The following STK11 variants were observed in gnomAD, a reference collection of about 807,000 sequenced individuals.
STK11 encodes the protein serine/threonine-protein kinase STK11.
In STK11, 8 loss-of-function variants were observed where a neutral mutation model predicts 47.3. The ratio of observed to expected loss-of-function variants is 0.17; its 90% CI spans 0.10 to 0.31. The LOEUF (loss-of-function observed/expected upper bound fraction) is 0.31. Among genes scored for constraint, STK11 ranks in the 10% least tolerant of loss-of-function variants. The pLI, the probability that STK11 is intolerant of heterozygous loss-of-function variation, is 1.00. For missense variants in STK11, 475 were observed against 605.0 expected (o/e 0.79, Z 2.25); for synonymous variants, 330 against 255.8 (o/e 1.29, Z -2.77).
chr19:1,206,737 G>T lies in STK11; in HGVS notation c.-177G>T. The T allele has an allele frequency of 2.2e-6, 2 of 890,712 alleles. No homozygotes were observed. The highest frequency in any genetic ancestry group is 3.3e-6 in the Non-Finnish European group (2 of 605,720). 55.2% of individuals were successfully genotyped at this position (890,712 alleles called of 1,614,324 possible). On this transcript the variant is annotated 5_prime_UTR_variant, in exon 1 of 10. Coordinates refer to ENST00000326873, the MANE Select transcript of STK11 (RefSeq NM_000455.5). Reference sequence around the variant, plus strand: ...TTGGACTCGCAGCCGGGACTGACGTGTAGAACAATCGTTTCTGTTGGAAGA... The same window carrying T: ...TTGGACTCGCAGCCGGGACTGACGTTTAGAACAATCGTTTCTGTTGGAAGA...
At chr19:1,220,225 C>T (rs768523963) in intron 3 of STK11, 148 bp from the exon 4 acceptor site, 9 of 1,113,328 alleles carry the variant, frequency 8.1e-6, no homozygotes, top group Non-Finnish European at 1.0e-5. Flanking sequence ...CCTGCTGGAC[C>T]TAGCCTTTCC....
intron 1 of STK11, among the ~76,000 whole-genome samples, chr19:1,214,596 C>T (rs1358089835): frequency 6.6e-6 from 1 of 152,204 alleles, no homozygotes; most frequent in East Asian, 1.9e-4. Context: ...GGGAGTCCTC[C>T]ACCCTCATTT....
intron 9 of STK11, 151 bp from the exon 10 acceptor site, chr19:1,227,442 C>G (rs2080833198): frequency 3.8e-6 from 3 of 799,922 alleles, no homozygotes; most frequent in Admixed American, 5.6e-5. Flanking sequence ...GGGAGTGACT[C>G]AAGGGTGGCC....
chr19:1,225,475 T>C, intron 8 of STK11: 1 of 879,456 alleles, frequency 1.1e-6, no homozygotes, highest in Non-Finnish European at 1.4e-6. Context: ...TTCACCATGT[T>C]GGTCAGGCTG....
At chr19:1,224,013 T>TA in intron 8 of STK11, 1 of 1,006,820 alleles carries the variant, frequency 9.9e-7, no homozygotes, top group Non-Finnish European at 1.2e-6. Context: ...GAGGACCCAG[T>TA]GCACAGGGTC....
intron 1 of STK11, among the ~76,000 whole-genome samples, chr19:1,214,860 C>T (rs571771622): frequency 6.6e-6 from 1 of 152,342 alleles, no homozygotes; most frequent in African/African-American, 2.4e-5. Context: ...GTAGCCGGCT[C>T]CTGCTGAGGG....
At chr19:1,219,813 G>A (rs1181000286) in intron 3 of STK11, among the ~76,000 whole-genome samples, 1 of 152,208 alleles carries the variant, frequency 6.6e-6, no homozygotes, top group Non-Finnish European at 1.5e-5. Flanking sequence ...CCAAAGTGCT[G>A]GGATTACAGG....
At position 1,207,087 on chromosome 19, in the gene STK11, C is replaced by T. The variant is rs756661578; in HGVS notation, c.174C>T (p.Gly58=). The T allele has an allele frequency of 6.2e-7, 1 of 1,613,908 alleles. No individual in the cohort carries two copies. The highest frequency in any genetic ancestry group is 1.7e-5 in the Admixed American group (1 of 59,998). ...KYLMGDLLGE[G]SYGKVKEVLD... is the part of the protein sequence containing the mutation. ...TGATGGGGGACCTGCTGGGGGAAGGCTCTTACGGCAAGGTGAAGGAGGTGC... is the reference window on the plus strand; with the variant it reads ...TGATGGGGGACCTGCTGGGGGAAGGTTCTTACGGCAAGGTGAAGGAGGTGC... The change falls in exon 1 of 10, where the codon GGC becomes GGT. Residue 58 remains glycine (G), a synonymous_variant. Transcript: ENST00000326873.
At chr19:1,220,183 G>A (rs1026289929) in intron 3 of STK11, 190 bp from the exon 4 acceptor site, 5 of 668,204 alleles carry the variant, frequency 7.5e-6, no homozygotes, top group Admixed American at 3.2e-5. Context: ...TCGGCCGGAC[G>A]AGGGTGGCCA....
intron 1 of STK11, 150 bp downstream of exon 1, chr19:1,207,353 G>C: frequency 8.6e-7 from 1 of 1,162,776 alleles, no homozygotes; most frequent in Non-Finnish European, 1.2e-6. Flanking sequence ...CCGTGCCAGG[G>C]AGAGCGTGGT....
chr19:1,227,692 C>T lies in STK11; in HGVS notation c.*116C>T. The T allele has an allele frequency of 9.4e-7, 1 of 1,069,484 alleles. No individual in the cohort carries two copies. The highest frequency in any genetic ancestry group is 1.1e-6 in the Non-Finnish European group (1 of 881,848). 66.2% of individuals were successfully genotyped at this position (1,069,484 alleles called of 1,614,324 possible). A position where few individuals can be genotyped will look rare whatever the true frequency, so the allele number is the denominator to read the frequency against. On this transcript the variant is annotated 3_prime_UTR_variant, in exon 10 of 10. Transcript: ENST00000326873. ...AGAGGTGGCCGCCATGCTTCTGTGC[C>T]GACCACGCCCCAGGACCTCCGGAGC...
chr19:1,225,802 T>A, intron 8 of STK11: 2 of 985,580 alleles, frequency 2.0e-6, no homozygotes, highest in South Asian at 9.4e-5. Flanking sequence ...CCACGGCTCC[T>A]CGCAGGGACA....
In STK11 at chr19:1,221,929, C is replaced by T. The variant is rs1250319696; in HGVS notation, c.863-20C>T. ...CAGGCCTGTGCCCAGCTGACAGGCTCCTCGCCGGCTTCTCCTCAGGGATGC... is the reference window on the plus strand; with the variant it reads ...CAGGCCTGTGCCCAGCTGACAGGCTTCTCGCCGGCTTCTCCTCAGGGATGC... On this transcript the variant is annotated intron_variant, in intron 6 of 9. Transcript: ENST00000326873. 1.9e-6 allele frequency: 3 copies of T among 1,550,856 alleles called. No individual in the cohort carries two copies. The highest frequency in any genetic ancestry group is 1.4e-5 in the African/African-American group (1 of 73,090).
In STK11 at chr19:1,207,129, G is replaced by A. The variant is rs1057524353; in HGVS notation, c.216G>A (p.Leu72=). ...AGGAGGTGCTGGACTCGGAGACGCTGTGCAGGAGGGCCGTCAAGATCCTCA... is the reference window on the plus strand; with the variant it reads ...AGGAGGTGCTGGACTCGGAGACGCTATGCAGGAGGGCCGTCAAGATCCTCA... ...KVKEVLDSET[L]CRRAVKILKK... is the part of the protein sequence containing the mutation. The change falls in exon 1 of 10, where the codon CTG becomes CTA. Residue 72 remains leucine (L), a synonymous_variant. Transcript: ENST00000326873. The A allele has an allele frequency of 5.6e-6, 9 of 1,613,588 alleles. No homozygotes were observed. Among genetic ancestry groups the A allele is most frequent in the Non-Finnish European group, 6.8e-6 (8 of 1,179,802 alleles).
In STK11 at chr19:1,205,990, G is replaced by A. The variant is rs1599913618; in HGVS notation, c.-924G>A. ...GCGCCGCCCGGGGCCCGGCACCTTCGGGAACCCCCCGGCCCGGAGCCTGCG... is the reference window on the plus strand; with the variant it reads ...GCGCCGCCCGGGGCCCGGCACCTTCAGGAACCCCCCGGCCCGGAGCCTGCG... On this transcript the variant is annotated 5_prime_UTR_variant, in exon 1 of 10. Coordinates refer to ENST00000326873, the MANE Select transcript of STK11 (RefSeq NM_000455.5). 1.4e-5 allele frequency: 2 copies of A among 147,288 alleles called. No homozygotes were observed. Among genetic ancestry groups the A allele is most frequent in the African/African-American group, 4.9e-5 (2 of 40,810 alleles). The allele number at this position is 147,288 out of a possible 1,614,324, so 9.1% of individuals were successfully genotyped here.
rs2080661751 is a variant in STK11, at chr19:1,206,026, C to T, written c.-888C>T. 1 of 146,080 alleles carries T rather than the reference C, an allele frequency of 6.8e-6. No homozygotes were observed. The highest frequency in any genetic ancestry group is 6.8e-5 in the Admixed American group (1 of 14,764). 9.0% of individuals were successfully genotyped at this position (146,080 alleles called of 1,614,324 possible). A position where few individuals can be genotyped will look rare whatever the true frequency, so the allele number is the denominator to read the frequency against. ...GGCCCGGAGCCTGCGGCCTGCGCCG[C>T]CTCGGCCGCCGGGAGCCCCGTGGAG... On this transcript the variant is annotated 5_prime_UTR_variant, in exon 1 of 10. Coordinates refer to ENST00000326873, the MANE Select transcript of STK11 (RefSeq NM_000455.5).
At position 1,222,153 on chromosome 19, in the gene STK11, G is replaced by A. The variant is rs973650141; in HGVS notation, c.920+147G>A. The A allele has an allele frequency of 4.1e-6, 4 of 976,908 alleles. No individual in the cohort carries two copies. The Admixed American group carries it at 8.5e-5, about 21-fold the overall frequency. 60.5% of individuals were successfully genotyped at this position (976,908 alleles called of 1,614,324 possible). A position where few individuals can be genotyped will look rare whatever the true frequency, so the allele number is the denominator to read the frequency against. ...CCGTGCAGCGCCCGCAGTTCTCGGG[G>A]CCCGAGTGGGGTCTCTGGGCAGTGT... On this transcript the variant is annotated intron_variant, in intron 7 of 9. Coordinates refer to ENST00000326873, the MANE Select transcript of STK11 (RefSeq NM_000455.5).
chr19:1,221,504 G>C (rs928720849), intron 6 of STK11, 164 bp downstream of exon 6: 1 of 1,123,734 alleles, frequency 8.9e-7, no homozygotes, highest in African/African-American at 1.6e-5. Flanking sequence ...TGGTTTGCCA[G>C]GTCCCTCAGC....
In STK11 at chr19:1,223,948, AGTG is replaced by A. The variant is rs2145432657; in HGVS notation, c.1108+781_1108+783del. 3.0e-6 allele frequency: 3 copies of A among 1,010,830 alleles called. No individual in the cohort carries two copies. In the South Asian group the frequency reaches 1.4e-4, roughly 47 times the overall value. The allele number at this position is 1,010,830 out of a possible 1,614,324, so 62.6% of individuals were successfully genotyped here. ...TTTCTGCTTTACTGTTTCAGCGGGA[AGTG>A]GTGGGCAGGGGCCGGCCTGAGAAGG... On this transcript the variant is annotated intron_variant, in intron 8 of 9. Coordinates refer to ENST00000326873, the MANE Select transcript of STK11 (RefSeq NM_000455.5).
Sources: gnomAD v4.1 joint callset for allele counts (sites outside exome capture counted in the v4.1 genomes callset) on GRCh38, gnomAD v4.1.1 for gene constraint, MANE v1.5 for transcripts, NCBI Gene and HGNC (gene_info 2026-07-23, HGNC 2026-07-21) for gene names.